Variants in CSMD3 observed in about 807,000 individuals in gnomAD.
The protein encoded by CSMD3 is CUB and Sushi multiple domains 3, also known as CUB and sushi domain-containing protein 3.
A neutral mutation model predicts 435.2 loss-of-function variants in CSMD3; 177 were observed. The observed-to-expected ratio is 0.41, with a 90% CI of 0.36 to 0.46. CSMD3 has a LOEUF of 0.46. CSMD3 is among the 20% of genes least tolerant of loss of function. The pLI, the probability that CSMD3 is intolerant of heterozygous loss-of-function variation, is 0.34. For synonymous variants in CSMD3, 1,656 were observed against 1,520.5 expected, an observed-to-expected ratio of 1.09 and a Z score of -2.07; for missense variants, 4,265 against 4,504.6, an observed-to-expected ratio of 0.95 and a Z score of 1.52.
At chr8:113,372,364 G>A (rs2094350871) in intron 1 of CSMD3, among the ~76,000 whole-genome samples, 1 of 152,122 alleles carries the variant, frequency 6.6e-6, no homozygotes, top group African/African-American at 2.4e-5. Context: ...TGAAGCTACA[G>A]GGGATAAATA....
At chr8:113,032,056 G>T (rs2087133131) in intron 5 of CSMD3, among the ~76,000 whole-genome samples, 2 of 151,616 alleles carry the variant, frequency 1.3e-5, no homozygotes, top group South Asian at 4.2e-4. Flanking sequence ...CCAGCCATGT[G>T]AAACTGTGAG....
chr8:112,263,575 T>C (rs1816641402), intron 61 of CSMD3, 64 bp downstream of exon 61: 3 of 1,339,968 alleles, frequency 2.2e-6, no homozygotes, highest in Non-Finnish European at 3.2e-6. Flanking sequence ...CTTAACAATC[T>C]CATATTTGGT....
intron 22 of CSMD3, among the ~76,000 whole-genome samples, chr8:112,593,870 CA>C (rs1169708197): frequency 2.6e-5 from 4 of 152,220 alleles, no homozygotes; most frequent in Non-Finnish European, 4.4e-5. Context: ...TGTAAAGGGT[CA>C]GGGGTGATAC....
In CSMD3 at chr8:112,975,826, A is replaced by G. The variant is rs2130931210; in HGVS notation, c.1342+11T>C. 6.2e-7 allele frequency: 1 copy of G among 1,612,524 alleles called. No homozygotes were observed. Among genetic ancestry groups the G allele is most frequent in the Non-Finnish European group, 8.5e-7 (1 of 1,179,702 alleles). ...TAACTAAATGGGCACAAGTAAAATAACATCCAATACCTCTATGAGTAACAA... is the reference window on the plus strand; with the variant it reads ...TAACTAAATGGGCACAAGTAAAATAGCATCCAATACCTCTATGAGTAACAA... On this transcript the variant is annotated intron_variant, in intron 7 of 70. Coordinates refer to ENST00000297405, the MANE Select transcript of CSMD3 (RefSeq NM_198123.2).
chr8:112,708,670 T>G (rs1489797356), intron 13 of CSMD3, among the ~76,000 whole-genome samples: 3 of 144,832 alleles, frequency 2.1e-5, no homozygotes, highest in Non-Finnish European at 3.0e-5. Context: ...TTTTTTAATC[T>G]GAAGGACTGA....
intron 13 of CSMD3, among the ~76,000 whole-genome samples, chr8:112,724,906 A>T (rs774418100): frequency 6.6e-6 from 1 of 152,094 alleles, no homozygotes; most frequent in Non-Finnish European, 1.5e-5. Context: ...AATACTGCTG[A>T]TCTGTCAAGT....
chr8:112,500,697 G>A (rs1479894450), intron 30 of CSMD3, among the ~76,000 whole-genome samples: 1 of 152,058 alleles, frequency 6.6e-6, no homozygotes, highest in Non-Finnish European at 1.5e-5. Context: ...TTCTAACAAA[G>A]AGCAGCCTGC....
intron 9 of CSMD3, among the ~76,000 whole-genome samples, chr8:112,942,146 T>TA (rs1468583902): frequency 1.3e-5 from 2 of 151,540 alleles, no homozygotes; most frequent in East Asian, 3.9e-4. Context: ...TGTTTTTTTT[T>TA]ACTGTCTCTG....
chr8:112,267,650 G>C (rs1031129996), intron 59 of CSMD3, among the ~76,000 whole-genome samples: 1 of 152,094 alleles, frequency 6.6e-6, no homozygotes, highest in African/African-American at 2.4e-5. Context: ...ATCTTGGCAA[G>C]GAGAAATAGC....
At chr8:113,087,185 C>T (rs183311448) in intron 5 of CSMD3, among the ~76,000 whole-genome samples, 44 of 152,236 alleles carry the variant, frequency 2.9e-4, no homozygotes, top group Non-Finnish European at 2.5e-4. Flanking sequence ...AAACCACATA[C>T]GTGGAAAGTG....
intron 2 of CSMD3, among the ~76,000 whole-genome samples, chr8:113,295,725 G>A (rs2093716101): frequency 6.6e-6 from 1 of 152,102 alleles, no homozygotes; most frequent in Non-Finnish European, 1.5e-5. Flanking sequence ...TTGCATTTTG[G>A]TCTCAGATTG....
chr8:113,112,413 A>G (rs1342774461), intron 4 of CSMD3, among the ~76,000 whole-genome samples: 1 of 7,532 alleles, frequency 1.3e-4, no homozygotes, highest in African/African-American at 6.4e-4. Context: ...ATATATATAT[A>G]TATATATATA....
At chr8:113,012,289 C>A (rs148160938) in intron 6 of CSMD3, among the ~76,000 whole-genome samples, 347 of 151,478 alleles carry the variant, frequency 2.3e-3, no homozygotes, top group African/African-American at 8.0e-3. Flanking sequence ...TAAATAAAAC[C>A]TACTATACTA....
At position 113,278,368 on chromosome 8, in the gene CSMD3, C is replaced by T. The variant is rs146933159; in HGVS notation, c.514+224G>A. Reference sequence around the variant, plus strand: ...CACATTTAATTCCGTTTTGTTAATTCGTAACCCTGTAGCAATTTAATGGTC... The same window carrying T: ...CACATTTAATTCCGTTTTGTTAATTTGTAACCCTGTAGCAATTTAATGGTC... On this transcript the variant is annotated intron_variant, in intron 3 of 70. Coordinates refer to ENST00000297405, the MANE Select transcript of CSMD3 (RefSeq NM_198123.2). Among the ~76,000 whole-genome samples the T allele has an allele frequency of 2.8e-4, 42 of 151,826 alleles. 1 individual carries two copies. The highest frequency in any genetic ancestry group is 2.3e-3 in the East Asian group (12 of 5,166).
rs201725443 is a variant in CSMD3, at chr8:112,387,360, A to T, written c.5934+3304T>A. On this transcript the variant is annotated intron_variant, in intron 36 of 70. Transcript: ENST00000297405. Reference sequence around the variant, plus strand: ...CATACAATTCTTTATTCACACACATATTTGGCCCAACAGAGAAAAATATTA... The same window carrying T: ...CATACAATTCTTTATTCACACACATTTTTGGCCCAACAGAGAAAAATATTA... 5.3e-5 allele frequency among the ~76,000 whole-genome samples: 8 copies of T among 152,200 alleles called. No homozygotes were observed. In the East Asian group the frequency reaches 1.5e-3, roughly 29 times the overall value.
chr8:112,765,300 A>G (rs1184634312), intron 13 of CSMD3, among the ~76,000 whole-genome samples: 2 of 151,642 alleles, frequency 1.3e-5, no homozygotes, highest in Non-Finnish European at 3.0e-5. Flanking sequence ...AACTACCAAT[A>G]AGAGGCTGAA....
intron 3 of CSMD3, among the ~76,000 whole-genome samples, chr8:113,256,714 A>G (rs1266501195): frequency 6.6e-6 from 1 of 152,180 alleles, no homozygotes; most frequent in African/African-American, 2.4e-5. Context: ...TGGCTGCAAC[A>G]ATTACAACTT....
At chr8:112,463,968 G>A (rs1234057226) in intron 32 of CSMD3, among the ~76,000 whole-genome samples, 1 of 152,096 alleles carries the variant, frequency 6.6e-6, no homozygotes, top group Non-Finnish European at 1.5e-5. Context: ...TGGGCGAGGT[G>A]GCTCATGCCT....
intron 10 of CSMD3, among the ~76,000 whole-genome samples, chr8:112,863,713 T>G (rs939391055): frequency 6.6e-6 from 1 of 152,126 alleles, no homozygotes; most frequent in Non-Finnish European, 1.5e-5. Context: ...ATTATTTTGA[T>G]ACAAATTTGC....
Sources: gnomAD v4.1 joint callset for allele counts (sites outside exome capture counted in the v4.1 genomes callset) on GRCh38, gnomAD v4.1.1 for gene constraint, MANE v1.5 for transcripts, NCBI Gene and HGNC (gene_info 2026-07-23, HGNC 2026-07-21) for gene names.